Variants in NEK1 observed in about 807,000 individuals in gnomAD.
The protein encoded by NEK1 is NIMA related kinase 1, also known as serine/threonine-protein kinase Nek1.
In NEK1, 137 loss-of-function variants were observed where a neutral mutation model predicts 182.1. That is an observed-to-expected ratio of 0.75 (90% confidence interval 0.65 to 0.87). NEK1 has a LOEUF of 0.87. Among genes scored for constraint, NEK1 ranks in the 40% least tolerant of loss-of-function variants. The pLI is 0.00. For missense variants in NEK1, 1,391 were observed against 1,494.4 expected (o/e 0.93, Z 1.14); for synonymous variants, 513 against 492.2 (o/e 1.04, Z -0.56).
chr4:169,505,849 A>G (rs1181009553), intron 23 of NEK1, among the ~76,000 whole-genome samples: 1 of 152,220 alleles, frequency 6.6e-6, no homozygotes, highest in Admixed American at 6.5e-5. Context: ...ATATTCTGTT[A>G]GGAAAAAAAA....
Position 169,555,770 on chromosome 4 carries a change from T to TCTAATATCATC in NEK1, c.1501_1511dup (p.Lys505MetfsTer7), listed in dbSNP as rs1245649586. 6.2e-7 allele frequency: 1 copy of TCTAATATCATC among 1,613,898 alleles called. No individual in the cohort carries two copies. The highest frequency in any genetic ancestry group is 2.2e-5 in the East Asian group (1 of 44,884). Reference sequence around the variant, plus strand: ...CCGCCTTCAATCTTTTCAAAGTTTTTCTAATATCATCAGCATCAGGAAAAT... The same window carrying TCTAATATCATC: ...CCGCCTTCAATCTTTTCAAAGTTTTTCTAATATCATCCTAATATCATCAGCATCAGGAAAAT... On this transcript the variant is annotated frameshift_variant, in exon 18 of 36. Transcript: ENST00000507142. LOFTEE classifies it high-confidence loss of function.
At chr4:169,433,779 A>G in intron 28 of NEK1, 114 bp from the exon 29 acceptor site, 1 of 1,056,486 alleles carries the variant, frequency 9.5e-7, no homozygotes, top group Non-Finnish European at 1.4e-6. Flanking sequence ...TATTCATTAA[A>G]ACAGAAAAAT....
rs71590018 is a variant in NEK1, at chr4:169,568,937, C to CAA, written c.1021-6743_1021-6742dup. ...GGGGGACAAGAGCAAAACTCCATTTCAAAAAAAAAAAAAAGAAAACCCAAA... is the reference window on the plus strand; with the variant it reads ...GGGGGACAAGAGCAAAACTCCATTTCAAAAAAAAAAAAAAAAGAAAACCCAAA... On this transcript the variant is annotated intron_variant, in intron 12 of 35. Coordinates refer to ENST00000507142, the MANE Select transcript of NEK1 (RefSeq NM_001199397.3). 2.3e-3 allele frequency among the ~76,000 whole-genome samples: 213 copies of CAA among 91,394 alleles called. 2 individuals are homozygous for CAA. Among genetic ancestry groups the CAA allele is most frequent in the African/African-American group, 2.4e-3 (52 of 21,674 alleles). The allele number at this position is 91,394 out of a possible 152,430, so 60.0% of individuals were successfully genotyped here.
Position 169,393,455 on chromosome 4 carries a change from C to CA in NEK1, c.*1054dup, listed in dbSNP as rs1334349281. 6.6e-6 allele frequency: 1 copy of CA among 152,114 alleles called. No individual in the cohort carries two copies. The highest frequency in any genetic ancestry group is 2.4e-5 in the African/African-American group (1 of 41,430). The allele number at this position is 152,114 out of a possible 1,614,324, so 9.4% of individuals were successfully genotyped here. The stretch of plus-strand genomic sequence containing the variant: ...TATGCCAACCAGCCTGCTTTGGACT[C>CA]AGAGGTTCAAAAACTTTGCTTTTAT... On this transcript the variant is annotated 3_prime_UTR_variant, in exon 36 of 36. Transcript: ENST00000507142.
intron 26 of NEK1, among the ~76,000 whole-genome samples, chr4:169,476,907 A>T (rs929528771): frequency 4.6e-5 from 7 of 152,146 alleles, no homozygotes; most frequent in African/African-American, 1.7e-4. Context: ...TGTAATAAAA[A>T]TCCTTGCTAT....
At chr4:169,577,427 C>T (rs181597437) in intron 11 of NEK1, among the ~76,000 whole-genome samples, 2 of 151,936 alleles carry the variant, frequency 1.3e-5, no homozygotes, top group Admixed American at 6.5e-5. Flanking sequence ...ATTGTAGACA[C>T]CAAATGTATA....
chr4:169,491,162 A>AAAAAAAAAAAGAG (rs1554047307), intron 23 of NEK1, among the ~76,000 whole-genome samples: 2 of 122,922 alleles, frequency 1.6e-5, no homozygotes, highest in Admixed American at 7.9e-5. Context: ...AAAAAAAAAA[A>AAAAAAAAAAAGAG]AGAGAGATGG....
rs146884230 is a variant in NEK1, at chr4:169,417,400, T to A, written c.3222+7153A>T. Among the ~76,000 whole-genome samples the A allele has an allele frequency of 3.3e-5, 5 of 152,300 alleles. No individual in the cohort carries two copies. The East Asian group carries it at 9.6e-4, about 29-fold the overall frequency. On this transcript the variant is annotated intron_variant, in intron 31 of 35. Transcript: ENST00000507142. ...GGCTGTGATTTGACATAATTTATAA[T>A]ACTAAAAAAGACTTCTGGTTTCTAT...
chr4:169,577,442 G>A (rs1765875607), intron 11 of NEK1, among the ~76,000 whole-genome samples: 1 of 152,138 alleles, frequency 6.6e-6, no homozygotes, highest in Admixed American at 6.6e-5. Flanking sequence ...TGTATAAACT[G>A]TATGGTATGT....
At chr4:169,582,858 T>C (rs143609795) in intron 10 of NEK1, among the ~76,000 whole-genome samples, 103 of 152,296 alleles carry the variant, frequency 6.8e-4, no homozygotes, top group Middle Eastern at 3.4e-3. Context: ...GGCTGCAATA[T>C]TGAACAATGC....
intron 26 of NEK1, among the ~76,000 whole-genome samples, chr4:169,473,730 CGAAA>C (rs1179753950): frequency 2.0e-5 from 3 of 151,286 alleles, no homozygotes; most frequent in Non-Finnish European, 1.5e-5. Context: ...CCAAAAAATA[CGAAA>C]GAGAGAGAGA....
chr4:169,421,040 A>G (rs893850351), intron 31 of NEK1, among the ~76,000 whole-genome samples: 1 of 152,242 alleles, frequency 6.6e-6, no homozygotes, highest in East Asian at 1.9e-4. Flanking sequence ...AAGATTAAGC[A>G]TAAGAGAGCT....
chr4:169,566,337 A>C (rs1033990219), intron 12 of NEK1, among the ~76,000 whole-genome samples: 1 of 152,200 alleles, frequency 6.6e-6, no homozygotes, highest in Non-Finnish European at 1.5e-5. Context: ...TGAAAATACT[A>C]AGCTGTTCCT....
intron 16 of NEK1, 64 bp downstream of exon 16, chr4:169,561,416 T>C: frequency 7.2e-7 from 1 of 1,394,468 alleles, no homozygotes; most frequent in Non-Finnish European, 1.0e-6. Flanking sequence ...ACATGCATTT[T>C]ATAGAACAAG....
chr4:169,396,271 CAGG>C (rs1044707989), intron 35 of NEK1, among the ~76,000 whole-genome samples: 10 of 135,764 alleles, frequency 7.4e-5, no homozygotes, highest in African/African-American at 2.5e-4. Flanking sequence ...GAGGGTGAGA[CAGG>C]AGAATTGCTT....
intron 22 of NEK1, 22 bp from the exon 23 acceptor site, chr4:169,507,154 A>T (rs1753422177): frequency 6.6e-7 from 1 of 1,510,866 alleles, no homozygotes; most frequent in Non-Finnish European, 9.0e-7. Context: ...AACAATTAAC[A>T]AAATGAGTTA....
intron 24 of NEK1, among the ~76,000 whole-genome samples, chr4:169,479,120 A>G (rs1264596025): frequency 6.6e-6 from 1 of 152,096 alleles, no homozygotes; most frequent in Non-Finnish European, 1.5e-5. Flanking sequence ...TGTTTATAGT[A>G]TTATTTTCAG....
At chr4:169,403,199 C>G (rs1486367981) in intron 32 of NEK1, among the ~76,000 whole-genome samples, 1 of 152,142 alleles carries the variant, frequency 6.6e-6, no homozygotes. Context: ...AGCAAAGCAT[C>G]TAATTAGAAT....
In NEK1 at chr4:169,475,343, G is replaced by A. The variant is rs185987022; in HGVS notation, c.2434+1781C>T. On this transcript the variant is annotated intron_variant, in intron 26 of 35. Coordinates refer to ENST00000507142, the MANE Select transcript of NEK1 (RefSeq NM_001199397.3). ...ACTGGAAAACCTCATCATTCCTTCC[G>A]TAGAGCACTCAGAAGCATCTTATCT... is the stretch of plus-strand genomic sequence containing the variant. Among the ~76,000 whole-genome samples, 9 of 152,198 alleles carry A rather than the reference G, an allele frequency of 5.9e-5. No individual in the cohort carries two copies. In the East Asian group the frequency reaches 1.7e-3, roughly 29 times the overall value.
Sources: gnomAD v4.1 joint callset for allele counts (sites outside exome capture counted in the v4.1 genomes callset) on GRCh38, gnomAD v4.1.1 for gene constraint, MANE v1.5 for transcripts, NCBI Gene and HGNC (gene_info 2026-07-23, HGNC 2026-07-21) for gene names.